Variants in GRM1 observed in about 807,000 individuals in gnomAD.
GRM1 encodes glutamate metabotropic receptor 1, also known as metabotropic glutamate receptor 1.
In GRM1, 33 loss-of-function variants were observed where a neutral mutation model predicts 90.9. The observed-to-expected ratio is 0.36, with a 90% CI of 0.28 to 0.49. GRM1 has a LOEUF of 0.49. Ranked by LOEUF, GRM1 falls within the 20% of genes least tolerant of loss-of-function variation. The pLI is 0.99. For synonymous variants in GRM1, 700 were observed against 613.2 expected (o/e 1.14, Z -2.09); for missense variants, 1,190 against 1,534.3 (o/e 0.78, Z 3.75).
chr6:146,105,113 A>G (rs1583008463), intron 1 of GRM1, among the ~76,000 whole-genome samples: 1 of 152,194 alleles, frequency 6.6e-6, no homozygotes, highest in Non-Finnish European at 1.5e-5. Context: ...ATATTTTCCA[A>G]TAAGTAGGGT....
intron 7 of GRM1, among the ~76,000 whole-genome samples, chr6:146,409,838 T>G (rs1777494396): frequency 6.6e-6 from 1 of 152,192 alleles, no homozygotes. Flanking sequence ...GTAAGATATA[T>G]GAGGAATTGG....
chr6:146,351,714 A>G (rs1218818427), intron 3 of GRM1, among the ~76,000 whole-genome samples: 2 of 152,228 alleles, frequency 1.3e-5, no homozygotes, highest in African/African-American at 2.4e-5. Flanking sequence ...TCAACCGTAT[A>G]TAAGAAGAGA....
At position 146,435,932 on chromosome 6, in the gene GRM1, C is replaced by T. The variant is rs980428316; in HGVS notation, c.*1136C>T. 6.6e-6 allele frequency: 1 copy of T among 152,638 alleles called. No homozygotes were observed. The highest frequency in any genetic ancestry group is 2.4e-5 in the African/African-American group (1 of 41,448). The allele number at this position is 152,638 out of a possible 1,614,324, so 9.5% of individuals were successfully genotyped here. A position where few individuals can be genotyped will look rare whatever the true frequency, so the allele number is the denominator to read the frequency against. On this transcript the variant is annotated 3_prime_UTR_variant, in exon 8 of 8. Coordinates refer to ENST00000282753, the MANE Select transcript of GRM1 (RefSeq NM_001278064.2). ...ATCCATCTTTGAATCTAATGGTGTA[C>T]TCATAGCAACTATTACTGGTTTAAA...
intron 1 of GRM1, among the ~76,000 whole-genome samples, chr6:146,116,627 T>G (rs1317019728): frequency 2.0e-5 from 3 of 152,182 alleles, no homozygotes; most frequent in Non-Finnish European, 2.9e-5. Flanking sequence ...CACATGCTTT[T>G]ATAGAATCAA....
At chr6:146,345,415 TAAGC>T (rs1272715332) in intron 3 of GRM1, among the ~76,000 whole-genome samples, 1 of 152,216 alleles carries the variant, frequency 6.6e-6, no homozygotes, top group Non-Finnish European at 1.5e-5. Flanking sequence ...TGTTTTGTAA[TAAGC>T]AAGACCTCAT....
At chr6:146,117,907 T>C (rs1775817561) in intron 1 of GRM1, among the ~76,000 whole-genome samples, 1 of 152,068 alleles carries the variant, frequency 6.6e-6, no homozygotes. Flanking sequence ...TATTTTAACA[T>C]GTAACTACTT....
At chr6:146,062,078 G>A (rs1237545095) in intron 1 of GRM1, among the ~76,000 whole-genome samples, 1 of 151,934 alleles carries the variant, frequency 6.6e-6, no homozygotes, top group Non-Finnish European at 1.5e-5. Flanking sequence ...CACAAGAGCA[G>A]AGTTGGAACC....
chr6:146,042,289 G>T (rs1335524319), intron 1 of GRM1, among the ~76,000 whole-genome samples: 1 of 152,068 alleles, frequency 6.6e-6, no homozygotes, highest in South Asian at 2.1e-4. Context: ...GAAGCCAGGA[G>T]GAAGTGGAGG....
chr6:146,201,826 G>A (rs1779307806), intron 2 of GRM1, among the ~76,000 whole-genome samples: 1 of 152,220 alleles, frequency 6.6e-6, no homozygotes, highest in South Asian at 2.1e-4. Flanking sequence ...TAGCTAGTAA[G>A]TGATTGTGCC....
In GRM1 at chr6:146,343,413, G is replaced by GT. The variant is rs1785052693; in HGVS notation, c.1187-8836dup. On this transcript the variant is annotated intron_variant, in intron 3 of 7. Transcript: ENST00000282753. ...TATGTTTCACCTTGCTGAGAACAGA[G>GT]TATCTACATAAATTATTTGAAATTC... Among the ~76,000 whole-genome samples, 8 of 152,068 alleles carry GT rather than the reference G, an allele frequency of 5.3e-5. No individual in the cohort carries two copies. In the South Asian group the frequency reaches 1.5e-3, roughly 28 times the overall value.
intron 5 of GRM1, among the ~76,000 whole-genome samples, chr6:146,385,763 G>A (rs1776478553): frequency 1.3e-5 from 2 of 151,904 alleles, no homozygotes; most frequent in African/African-American, 4.8e-5. Context: ...ATAAATATGT[G>A]GAAGTAAAAT....
At chr6:146,236,919 T>C (rs139972547) in intron 2 of GRM1, among the ~76,000 whole-genome samples, 3 of 152,118 alleles carry the variant, frequency 2.0e-5, no homozygotes, top group Non-Finnish European at 2.9e-5. Context: ...TGGAAGTGGG[T>C]CAAACTCCCC....
At chr6:146,381,427 T>G in intron 5 of GRM1, among the ~76,000 whole-genome samples, 1 of 152,284 alleles carries the variant, frequency 6.6e-6, no homozygotes, top group Middle Eastern at 3.4e-3. Context: ...GTTCAGTGCC[T>G]CACAATTACT....
chr6:146,078,932 G>C (rs1776275126), intron 1 of GRM1, among the ~76,000 whole-genome samples: 1 of 152,194 alleles, frequency 6.6e-6, no homozygotes, highest in African/African-American at 2.4e-5. Flanking sequence ...ACACTTTGAA[G>C]GGTGGGGGAG....
rs362984 is a variant in GRM1, at chr6:146,335,319, C to A, written c.1187-16931C>A. On this transcript the variant is annotated intron_variant, in intron 3 of 7. Transcript: ENST00000282753. The stretch of plus-strand genomic sequence containing the variant: ...AGTACCTAACGCATTGTTTCAGTCT[C>A]TCTACATAGACTGAAAACCTCACTG... Among the ~76,000 whole-genome samples, 727 of 152,220 alleles carry A rather than the reference C, an allele frequency of 4.8e-3. 4 individuals carry two copies. The highest frequency in any genetic ancestry group is 0.017 in the African/African-American group (697 of 41,546).
chr6:146,134,310 T>C (rs989160975), intron 1 of GRM1, among the ~76,000 whole-genome samples: 4 of 152,178 alleles, frequency 2.6e-5, no homozygotes, highest in Non-Finnish European at 5.9e-5. Context: ...ATAATGAATG[T>C]AAAGGGCTTA....
At chr6:146,213,660 G>GAGAT (rs1164654642) in intron 2 of GRM1, among the ~76,000 whole-genome samples, 5 of 151,340 alleles carry the variant, frequency 3.3e-5, no homozygotes, top group Admixed American at 1.3e-4. Context: ...GAACCAATAG[G>GAGAT]AGATAGATAG....
In GRM1 at chr6:146,352,410, G is replaced by A. The variant is rs928713759; in HGVS notation, c.1347G>A (p.Lys449=). The part of the protein sequence containing the change: ...CDAMKPIDGS[K]LLDFLIKSSF... ...CCATGAAGCCCATCGACGGCAGCAA[G>A]CTGCTGGACTTCCTCATCAAGTCCT... The change falls in exon 4 of 8, where the codon AAG becomes AAA. Residue 449 remains lysine (K), a synonymous_variant. Transcript: ENST00000282753. 1 of 1,614,020 alleles carries A rather than the reference G, an allele frequency of 6.2e-7. No homozygotes were observed. The highest frequency in any genetic ancestry group is 1.7e-5 in the Admixed American group (1 of 60,010).
intron 1 of GRM1, among the ~76,000 whole-genome samples, chr6:146,049,941 G>A (rs534187942): frequency 3.5e-4 from 53 of 151,978 alleles, no homozygotes; most frequent in African/African-American, 1.2e-3. Flanking sequence ...AGTGGCAGAC[G>A]CAGGGTTCAA....
Sources: gnomAD v4.1 joint callset for allele counts (sites outside exome capture counted in the v4.1 genomes callset) on GRCh38, gnomAD v4.1.1 for gene constraint, MANE v1.5 for transcripts, NCBI Gene and HGNC (gene_info 2026-07-23, HGNC 2026-07-21) for gene names.